Variants in UNC13A observed in about 807,000 individuals in gnomAD.
UNC13A encodes protein unc-13 homolog A.
A neutral mutation model predicts 219.7 loss-of-function variants in UNC13A; 61 were observed. That is an observed-to-expected ratio of 0.28 (90% confidence interval 0.23 to 0.34). The LOEUF (loss-of-function observed/expected upper bound fraction) is 0.34, where lower values mean the gene tolerates loss of function less well. Among genes scored for constraint, UNC13A ranks in the 10% least tolerant of loss-of-function variants. The pLI is 1.00. For synonymous variants in UNC13A, 920 were observed against 884.6 expected (o/e 1.04, Z -0.71); for missense variants, 1,476 against 2,270.3 (o/e 0.65, Z 7.11).
chr19:17,622,651 T>TCACCACCAC, intron 36 of UNC13A: 1 of 153,148 alleles, frequency 6.5e-6, no homozygotes, highest in South Asian at 1.8e-4. Context: ...TGTCTGCATA[T>TCACCACCAC]CACCACCACC....
chr19:17,618,616 T>C, intron 39 of UNC13A, 115 bp from the exon 40 acceptor site: 2 of 1,085,466 alleles, frequency 1.8e-6, no homozygotes, highest in Non-Finnish European at 2.7e-6. Context: ...GTCTATGTTT[T>C]CATCATCCCA....
At position 17,627,122 on chromosome 19, in the gene UNC13A, C is replaced by T. The variant is rs919690896; in HGVS notation, c.3921-337G>A. 1.3e-5 allele frequency among the ~76,000 whole-genome samples: 2 copies of T among 151,540 alleles called. No individual in the cohort carries two copies. The highest frequency in any genetic ancestry group is 4.9e-5 in the African/African-American group (2 of 41,170). ...TGGAGGGTGCAGTGAGCCGAGATCG[C>T]GCCACTGCACTCCAGCCTGGTGACA... On this transcript the variant is annotated intron_variant, in intron 33 of 43. Transcript: ENST00000519716. The surrounding 1 kb of genome is among the most constrained non-coding windows in gnomAD (Gnocchi z 4.7).
intron 1 of UNC13A, among the ~76,000 whole-genome samples, chr19:17,681,533 C>A (rs1161287864): frequency 6.6e-6 from 1 of 152,094 alleles, no homozygotes; most frequent in African/African-American, 2.4e-5. Context: ...TAGACCAGAG[C>A]CAGACTGAGC....
Position 17,610,119 on chromosome 19 carries a change from G to T in UNC13A, c.4652-20C>A, listed in dbSNP as rs928017089. ...CCACCACTGTTGGAGGAAGTAGAGG[G>T]TAAGACAGGTCAGGTTCTCCCAGTT... On this transcript the variant is annotated intron_variant, in intron 42 of 43. Coordinates refer to ENST00000519716, the MANE Select transcript of UNC13A (RefSeq NM_001080421.3). 6.2e-7 allele frequency: 1 copy of T among 1,613,464 alleles called. No homozygotes were observed. The highest frequency in any genetic ancestry group is 1.3e-5 in the African/African-American group (1 of 74,912).
chr19:17,653,361 G>A (rs1047530640), intron 11 of UNC13A, among the ~76,000 whole-genome samples: 1 of 151,222 alleles, frequency 6.6e-6, no homozygotes, highest in Non-Finnish European at 1.5e-5. Context: ...TTGTTTGTTT[G>A]TTTGAGACGG....
intron 4 of UNC13A, among the ~76,000 whole-genome samples, chr19:17,671,165 C>T (rs2079781051): frequency 6.6e-6 from 1 of 151,978 alleles, no homozygotes; most frequent in African/African-American, 2.4e-5. Flanking sequence ...GCTAAAGGAT[C>T]TAGAGAGAAG....
rs1465372994 is a variant in UNC13A at position 17,651,337 on chromosome 19, C to A, written c.1439+1294G>T. 5.3e-5 allele frequency among the ~76,000 whole-genome samples: 8 copies of A among 151,938 alleles called. No homozygotes were observed. In the South Asian group the frequency reaches 8.3e-4, roughly 16 times the overall value. ...CTCCTAGCCTCAAGTGATTCTCCTG[C>A]CTCAGCCTCCCAAATAGCTGGGATT... On this transcript the variant is annotated intron_variant, in intron 12 of 43. Transcript: ENST00000519716.
chr19:17,656,579 C>T (rs568574159), intron 9 of UNC13A, among the ~76,000 whole-genome samples, 181 bp from the exon 10 acceptor site: 3 of 152,244 alleles, frequency 2.0e-5, no homozygotes, highest in South Asian at 2.1e-4. Flanking sequence ...TGGCCAGGTG[C>T]GGTGGCTCAC....
chr19:17,625,726 A>AC (rs1016018428), intron 34 of UNC13A, among the ~76,000 whole-genome samples: 25 of 143,736 alleles, frequency 1.7e-4, no homozygotes, highest in Admixed American at 3.5e-4. Context: ...TCATCCACCC[A>AC]CCCCCCCATC....
intron 28 of UNC13A, among the ~76,000 whole-genome samples, chr19:17,631,758 T>G (rs2076857863): frequency 6.6e-6 from 1 of 152,214 alleles, no homozygotes; most frequent in Admixed American, 6.5e-5. Flanking sequence ...ATTTATTTAT[T>G]TTTTGAAATG....
intron 2 of UNC13A, 131 bp downstream of exon 2, chr19:17,675,881 G>T: frequency 1.6e-6 from 2 of 1,229,612 alleles, no homozygotes; most frequent in Admixed American, 2.0e-5. Context: ...TTAATCTTCT[G>T]ACCCCTCTCC....
intron 37 of UNC13A, 27 bp from the exon 38 acceptor site, chr19:17,620,749 G>A (rs1445926095): frequency 6.2e-7 from 1 of 1,612,094 alleles, no homozygotes; most frequent in Non-Finnish European, 8.5e-7. Context: ...GTGGAGGTCA[G>A]AGTTCTGGTG....
Position 17,606,165 on chromosome 19 carries a change from C to G in UNC13A, c.5001G>C (p.Thr1667=), listed in dbSNP as rs950922481. 5 of 1,574,838 alleles carry G rather than the reference C, an allele frequency of 3.2e-6. No individual in the cohort carries two copies. The highest frequency in any genetic ancestry group is 2.4e-5 in the East Asian group (1 of 41,854). The change falls in exon 44 of 44, where the codon ACG becomes ACC. Residue 1667 remains threonine, a synonymous_variant. Transcript: ENST00000519716. ...TGCGCTGCGAGAGGATTCGCAGCAC[C>G]GTGAGGCCCGTGTCGTCCATGTGGA... ...RRIHMDDTGL[T]VLRILSQRSN... is the part of the protein sequence containing the mutation.
intron 31 of UNC13A, chr19:17,628,268 T>A: frequency 2.8e-6 from 1 of 352,888 alleles, no homozygotes; most frequent in South Asian, 3.8e-5. Flanking sequence ...GCTCACACCC[T>A]GAAGGCTTCA....
At position 17,655,312 on chromosome 19, in the gene UNC13A, G is replaced by A. The variant is rs762152819; in HGVS notation, c.1354C>T (p.Leu452=). 7 of 1,589,342 alleles carry A rather than the reference G, an allele frequency of 4.4e-6. No individual in the cohort carries two copies. In the Admixed American group the frequency reaches 7.1e-5, roughly 16 times the overall value. The change falls in exon 11 of 44, where the codon CTG becomes TTG. Residue 452 remains leucine, a synonymous_variant. Coordinates refer to ENST00000519716, the MANE Select transcript of UNC13A (RefSeq NM_001080421.3). ...DSMSRAKANW[L]RAFNKVRMQL... ...ATCCGCACCTTGTTGAAGGCACGCA[G>A]CCAGTTGGCCTTGGCCCTGGACATG...
intron 11 of UNC13A, among the ~76,000 whole-genome samples, chr19:17,653,999 T>C (rs923819796): frequency 1.1e-4 from 17 of 151,688 alleles, no homozygotes; most frequent in African/African-American, 4.1e-4. Context: ...GCTAATTTTT[T>C]TGTACTTTCA....
intron 34 of UNC13A, among the ~76,000 whole-genome samples, chr19:17,625,894 C>A (rs1421919998): frequency 6.6e-6 from 1 of 152,024 alleles, no homozygotes; most frequent in Non-Finnish European, 1.5e-5. Flanking sequence ...AACATTTATT[C>A]AATGATCTAA....
In UNC13A at chr19:17,606,037, T is replaced by TCGGC; in HGVS notation, c.*13_*16dup. The TCGGC allele has an allele frequency of 1.4e-6, 2 of 1,479,734 alleles. No individual in the cohort carries two copies. The highest frequency in any genetic ancestry group is 1.8e-6 in the Non-Finnish European group (2 of 1,120,834). 91.7% of individuals were successfully genotyped at this position (1,479,734 alleles called of 1,614,324 possible). A position where few individuals can be genotyped will look rare whatever the true frequency, so the allele number is the denominator to read the frequency against. ...GCCCTCCGCGCAGGCGCAGTGCCGCTCGGCCGACCGCCCGCGCTAAGGCGC... is the reference window on the plus strand; with the variant it reads ...GCCCTCCGCGCAGGCGCAGTGCCGCTCGGCCGGCCGACCGCCCGCGCTAAGGCGC... On this transcript the variant is annotated 3_prime_UTR_variant, in exon 44 of 44. Transcript: ENST00000519716.
chr19:17,679,065 C>G (rs945319170), intron 1 of UNC13A, among the ~76,000 whole-genome samples: 1 of 151,940 alleles, frequency 6.6e-6, no homozygotes, highest in Non-Finnish European at 1.5e-5. Flanking sequence ...TCAAGACCAG[C>G]CTGGGCAATG....
Sources: gnomAD v4.1 joint callset for allele counts (sites outside exome capture counted in the v4.1 genomes callset) on GRCh38, gnomAD v4.1.1 for gene constraint, Gnocchi (gnomAD v3.1) non-coding constraint, MANE v1.5 for transcripts, NCBI Gene and HGNC (gene_info 2026-07-23, HGNC 2026-07-21) for gene names.